ERMP1: variants seen among roughly 807,000 people sequenced by gnomAD.
ERMP1 encodes Felix-ina.
Under a neutral mutation model 92.0 loss-of-function variants are expected in ERMP1, and 86 were observed. That is an observed-to-expected ratio of 0.93 (90% CI 0.79 to 1.12). The LOEUF (loss-of-function observed/expected upper bound fraction) is 1.12. ERMP1 is among the 50% of genes most tolerant of loss of function. The pLI is 0.00. For missense variants in ERMP1, 1,342 were observed against 1,116.3 expected, an observed-to-expected ratio of 1.20 and a Z score of -2.88; for synonymous variants, 530 against 412.8, an observed-to-expected ratio of 1.28 and a Z score of -3.44.
chr9:5,796,139 C>T (rs1828416423), intron 13 of ERMP1, among the ~76,000 whole-genome samples: 1 of 152,174 alleles, frequency 6.6e-6, no homozygotes, highest in South Asian at 2.1e-4. Context: ...TTCTTCCCAC[C>T]TTGATCTACA....
At chr9:5,828,379 C>A (rs1829809101) in intron 2 of ERMP1, among the ~76,000 whole-genome samples, 1 of 152,174 alleles carries the variant, frequency 6.6e-6, no homozygotes, top group African/African-American at 2.4e-5. Context: ...GCAGGGTATA[C>A]ATTTACCAAG....
rs1459799914 is a variant in ERMP1, at chr9:5,799,017, A to G, written c.2068-9T>C. On this transcript the variant is annotated splice_polypyrimidine_tract_variant and intron_variant, in intron 11 of 14. Coordinates refer to ENST00000339450, the MANE Select transcript of ERMP1 (RefSeq NM_024896.3). ...AATGTTCTAGTCATATGCTGAAAAA[A>G]AAAGACTAGTGAAAAAACTGTTTCA... 10 of 1,610,444 alleles carry G rather than the reference A, an allele frequency of 6.2e-6. No individual in the cohort carries two copies. Among genetic ancestry groups the G allele is most frequent in the Non-Finnish European group, 8.5e-6 (10 of 1,177,220 alleles).
At chr9:5,837,014 G>T (rs956158952), upstream of ERMP1, among the ~76,000 whole-genome samples, 1 of 152,146 alleles carries the variant, frequency 6.6e-6, no homozygotes, top group African/African-American at 2.4e-5. Context: ...GAACAAGCCT[G>T]GCTGCATTGC....
At chr9:5,819,080 G>T (rs2131254720) in intron 4 of ERMP1, among the ~76,000 whole-genome samples, 1 of 152,242 alleles carries the variant, frequency 6.6e-6, no homozygotes, top group African/African-American at 2.4e-5. Context: ...GTATCTAAAA[G>T]AAATGAAAAT....
At chr9:5,811,384 CTATT>C (rs1829088136) in intron 6 of ERMP1, 61 bp from the exon 7 acceptor site, 3 of 1,307,512 alleles carry the variant, frequency 2.3e-6, no homozygotes, top group African/African-American at 3.0e-5. Context: ...GCTGAATAAA[CTATT>C]TGTGATTTAC....
intron 8 of ERMP1, among the ~76,000 whole-genome samples, chr9:5,809,651 T>C (rs908161516): frequency 6.6e-6 from 1 of 152,160 alleles, no homozygotes; most frequent in African/African-American, 2.4e-5. Flanking sequence ...ATCCCTATCC[T>C]CAAGGAGCTT....
chr9:5,794,167 T>C (rs1165554967), intron 13 of ERMP1, among the ~76,000 whole-genome samples: 1 of 152,022 alleles, frequency 6.6e-6, no homozygotes, highest in Non-Finnish European at 1.5e-5. Context: ...ATTTGGAGAT[T>C]AAAGAACACA....
At chr9:5,823,805 G>T in intron 4 of ERMP1, 91 bp downstream of exon 4, 1 of 859,544 alleles carries the variant, frequency 1.2e-6, no homozygotes, top group Non-Finnish European at 1.9e-6. Flanking sequence ...TCAAGAGACT[G>T]TTTATTGAAG....
In ERMP1 at chr9:5,864,490, C is replaced by G. The variant is rs187566632; in HGVS notation, n.3055+3312G>C. 3.3e-5 allele frequency among the ~76,000 whole-genome samples: 5 copies of G among 152,304 alleles called. No individual in the cohort carries two copies. The East Asian group carries it at 5.8e-4, about 18-fold the overall frequency. On this transcript the variant is annotated intron_variant and non_coding_transcript_variant, in intron 5 of 6. Coordinates refer to the ERMP1 transcript ENST00000690753. ...ATTAATAGCACTTTTGTTGAGCTAT[C>G]CTTCCCAGGCTATTTAACCTCACCC...
chr9:5,840,814 TG>T (rs1830154285), intron 6 of ERMP1, among the ~76,000 whole-genome samples: 1 of 152,224 alleles, frequency 6.6e-6, no homozygotes, highest in South Asian at 2.1e-4. Flanking sequence ...AACCTTCATT[TG>T]CATGGCATTA....
At position 5,784,791 on chromosome 9, in the gene ERMP1, T is replaced by A. The variant is rs1431389198; in HGVS notation, c.*2353A>T. On this transcript the variant is annotated 3_prime_UTR_variant, in exon 15 of 15. Coordinates refer to ENST00000339450, the MANE Select transcript of ERMP1 (RefSeq NM_024896.3). Reference sequence around the variant, plus strand: ...AAACACTTCATGCGACAATCATTCTTAGGTCAAACACAAGAACGAACTATT... The same window carrying A: ...AAACACTTCATGCGACAATCATTCTAAGGTCAAACACAAGAACGAACTATT... 2 of 149,884 alleles carry A rather than the reference T, an allele frequency of 1.3e-5. No homozygotes were observed. Among genetic ancestry groups the A allele is most frequent in the Admixed American group, 6.6e-5 (1 of 15,206 alleles). 9.3% of individuals were successfully genotyped at this position (149,884 alleles called of 1,614,324 possible).
intron 4 of ERMP1, among the ~76,000 whole-genome samples, chr9:5,814,641 A>C (rs1051715496): frequency 2.0e-5 from 3 of 152,110 alleles, no homozygotes; most frequent in Non-Finnish European, 1.5e-5. Context: ...GAGGCAGGAG[A>C]ATTGCTTAGA....
rs1334777731 is a variant in ERMP1 at position 5,793,518 on chromosome 9, A to T, written c.2386+4299T>A. ...AAAGACAGAGCGTCAGGGTGGATCA[A>T]AAAACAAGACCCCACTATGTGTTGT... On this transcript the variant is annotated intron_variant, in intron 13 of 14. Coordinates refer to ENST00000339450, the MANE Select transcript of ERMP1 (RefSeq NM_024896.3). 3.3e-5 allele frequency among the ~76,000 whole-genome samples: 5 copies of T among 152,124 alleles called. No homozygotes were observed. In the East Asian group the frequency reaches 9.6e-4, roughly 29 times the overall value.
At chr9:5,816,541 T>A (rs1829312148) in intron 4 of ERMP1, among the ~76,000 whole-genome samples, 1 of 152,204 alleles carries the variant, frequency 6.6e-6, no homozygotes, top group Non-Finnish European at 1.5e-5. Context: ...GACTTTTGCA[T>A]CTAAAGTTGG....
rs1432745654 is a variant in ERMP1 at position 5,833,023 on chromosome 9, T to C, written c.5A>G (p.Glu2Gly). The part of the protein sequence containing the change: M[E>G]WGSESAAVRR... Reference sequence around the variant, plus strand: ...CACAGCAGCCGACTCAGAACCCCACTCCATGGCCACGAGCCTCAGCTGCCA... The same window carrying C: ...CACAGCAGCCGACTCAGAACCCCACCCCATGGCCACGAGCCTCAGCTGCCA... Residue 2 changes from glutamate (E) to glycine (G), a missense_variant, in exon 1 of 15, where the codon GAG becomes GGG. By Grantham distance (98) the Glu-to-Gly change is moderately conservative. Coordinates refer to ENST00000339450, the MANE Select transcript of ERMP1 (RefSeq NM_024896.3). The C allele has an allele frequency of 4.6e-6, 7 of 1,525,700 alleles. No individual in the cohort carries two copies. Among genetic ancestry groups the C allele is most frequent in the East Asian group, 2.6e-5 (1 of 38,494 alleles). 94.5% of individuals were successfully genotyped at this position (1,525,700 alleles called of 1,614,324 possible).
chr9:5,791,741 G>GA (rs1463492472), intron 13 of ERMP1, among the ~76,000 whole-genome samples: 2 of 152,124 alleles, frequency 1.3e-5, no homozygotes, highest in Admixed American at 1.3e-4. Flanking sequence ...TGCTTTAAAA[G>GA]AAAAACAGTT....
At chr9:5,793,486 C>T (rs756943856) in intron 13 of ERMP1, among the ~76,000 whole-genome samples, 4 of 152,042 alleles carry the variant, frequency 2.6e-5, no homozygotes, top group African/African-American at 9.7e-5. Context: ...TCTAAACATA[C>T]AAATTAAAAG....
chr9:5,851,898 T>C (rs1456888563), intron 6 of ERMP1, among the ~76,000 whole-genome samples: 3 of 152,234 alleles, frequency 2.0e-5, no homozygotes, highest in South Asian at 4.1e-4. Context: ...CTTGGAGAGA[T>C]TTTGATTTCA....
At position 5,852,785 on chromosome 9, in the gene ERMP1, T is replaced by C. The variant is rs113199904; in HGVS notation, n.3199+6683A>G. ...ACATGCTTTTTGAAATCAGGGAAGA[T>C]ATAGAAAAATTAATAACAGCAACTG... On this transcript the variant is annotated intron_variant and non_coding_transcript_variant, in intron 6 of 6. Coordinates refer to the ERMP1 transcript ENST00000690753. Among the ~76,000 whole-genome samples, 259 of 152,176 alleles carry C rather than the reference T, an allele frequency of 1.7e-3. 1 individual carries two copies. Among genetic ancestry groups the C allele is most frequent in the African/African-American group, 3.7e-3 (155 of 41,502 alleles).
Sources: allele counts gnomAD v4.1 joint callset (sites outside exome capture counted in the v4.1 genomes callset), GRCh38; gene constraint gnomAD v4.1.1; transcripts MANE v1.5; gene names NCBI Gene and HGNC (gene_info 2026-07-23, HGNC 2026-07-21).